Variants in ZPBP observed in about 807,000 individuals in gnomAD.
ZPBP encodes zona pellucida binding protein.
ZPBP carries 26 observed loss-of-function variants against 44.8 expected under a neutral mutation model. The observed-to-expected ratio is 0.58, with a 90% CI of 0.43 to 0.81. ZPBP has a LOEUF of 0.81. Ranked by LOEUF, ZPBP falls within the 30% of genes least tolerant of loss-of-function variation. The pLI is 0.00. For missense variants in ZPBP, 409 were observed against 434.0 expected, an observed-to-expected ratio of 0.94 and a Z score of 0.51; for synonymous variants, 174 against 153.2, an observed-to-expected ratio of 1.14 and a Z score of -1.00.
intron 6 of ZPBP, among the ~76,000 whole-genome samples, chr7:49,995,706 T>C (rs1303818620): frequency 6.6e-6 from 1 of 152,216 alleles, no homozygotes; most frequent in Non-Finnish European, 1.5e-5. Flanking sequence ...AAGAATGAAA[T>C]CCTGTGATTT....
At chr7:50,030,557 G>T (rs986469288) in intron 5 of ZPBP, among the ~76,000 whole-genome samples, 2 of 151,908 alleles carry the variant, frequency 1.3e-5, no homozygotes, top group African/African-American at 4.8e-5. Context: ...CATTTGAGAT[G>T]AAAGGGGAAG....
intron 7 of ZPBP, among the ~76,000 whole-genome samples, chr7:49,978,217 G>T (rs372979998): frequency 8.6e-5 from 13 of 151,534 alleles, no homozygotes; most frequent in African/African-American, 3.1e-4. Flanking sequence ...TAAAAACAAC[G>T]TAATATTAGG....
chr7:50,025,648 T>G (rs1321662071), intron 5 of ZPBP, among the ~76,000 whole-genome samples: 1 of 151,822 alleles, frequency 6.6e-6, no homozygotes, highest in Non-Finnish European at 1.5e-5. Flanking sequence ...CAGACATCTT[T>G]GTAAAATACA....
At chr7:49,886,866 T>A (rs1791926068) in intron 2 of ZPBP, among the ~76,000 whole-genome samples, 2 of 152,248 alleles carry the variant, frequency 1.3e-5, no homozygotes, top group Admixed American at 1.3e-4. Flanking sequence ...AAAATGTGTA[T>A]GTTTCAATTG....
At chr7:49,979,568 TA>T (rs1796682643) in intron 7 of ZPBP, among the ~76,000 whole-genome samples, 1 of 151,630 alleles carries the variant, frequency 6.6e-6, no homozygotes, top group Admixed American at 6.6e-5. Flanking sequence ...CCAAAGTTTT[TA>T]AATACAAAAA....
intron 2 of ZPBP, among the ~76,000 whole-genome samples, chr7:49,885,871 C>T (rs1791881888): frequency 6.6e-6 from 1 of 152,244 alleles, no homozygotes. Flanking sequence ...CCTGGTAGGG[C>T]TACAGGCCCT....
chr7:50,061,112 C>G (rs1801213466), intron 3 of ZPBP, among the ~76,000 whole-genome samples: 1 of 152,092 alleles, frequency 6.6e-6, no homozygotes, highest in Non-Finnish European at 1.5e-5. Flanking sequence ...AATTCAACCT[C>G]CCTTTATGTT....
chr7:49,842,464 T>C, the ZPBP span, among the ~76,000 whole-genome samples: 2 of 152,190 alleles, frequency 1.3e-5, no homozygotes, highest in African/African-American at 2.4e-5. Flanking sequence ...ACCTTAGAGA[T>C]AATACAGGAG....
intron 4 of ZPBP, among the ~76,000 whole-genome samples, chr7:50,041,222 C>T (rs2366025): frequency 0.9 from 136,897 of 152,270 alleles, 61,656 homozygotes; most frequent in African/African-American, 0.94. Flanking sequence ...GGGGCAGCTG[C>T]GGGTGCAGCT....
the ZPBP span, among the ~76,000 whole-genome samples, chr7:49,844,988 T>C: frequency 6.6e-6 from 1 of 152,190 alleles, no homozygotes; most frequent in African/African-American, 2.4e-5. Flanking sequence ...CGGCCGGCAA[T>C]TCACTTTCGT....
chr7:49,927,817 T>C (rs570908022), intron 1 of ZPBP, among the ~76,000 whole-genome samples: 83 of 152,112 alleles, frequency 5.5e-4, no homozygotes, highest in Non-Finnish European at 1.0e-3. Context: ...TAAATATGAG[T>C]TCCCTGGTCA....
chr7:49,956,562 A>G (rs1246831044), intron 7 of ZPBP, among the ~76,000 whole-genome samples: 2 of 152,100 alleles, frequency 1.3e-5, no homozygotes, highest in African/African-American at 4.8e-5. Context: ...CCAAAATGAA[A>G]TAACTACATG....
intron 7 of ZPBP, among the ~76,000 whole-genome samples, chr7:49,978,125 G>A (rs1796615611): frequency 6.7e-6 from 1 of 149,932 alleles, no homozygotes; most frequent in Admixed American, 6.7e-5. Flanking sequence ...ATGGGAGAAA[G>A]TTGAATATAT....
chr7:50,004,668 T>C (rs879354436), intron 6 of ZPBP, among the ~76,000 whole-genome samples: 1 of 152,064 alleles, frequency 6.6e-6, no homozygotes, highest in Non-Finnish European at 1.5e-5. Flanking sequence ...AATTAATTGC[T>C]ATAGAGATTC....
Position 49,911,381 on chromosome 7 carries a change from C to T in ZPBP, n.412-10166G>A, listed in dbSNP as rs1277780716. The stretch of plus-strand genomic sequence containing the variant: ...CCTATAGTCCCAGCTACTCTGGAGG[C>T]TGCGGCAGGAGAATCGCTTGAACCC... On this transcript the variant is annotated intron_variant and non_coding_transcript_variant, in intron 1 of 2. Coordinates refer to the ZPBP transcript ENST00000465922. Among the ~76,000 whole-genome samples, 3 of 148,534 alleles carry T rather than the reference C, an allele frequency of 2.0e-5. No individual in the cohort carries two copies. The East Asian group carries it at 6.0e-4, about 30-fold the overall frequency.
At chr7:49,874,092 G>A (rs978319223) in intron 2 of ZPBP, among the ~76,000 whole-genome samples, 6 of 151,978 alleles carry the variant, frequency 3.9e-5, no homozygotes, top group Non-Finnish European at 8.8e-5. Context: ...GAGTAAGGAC[G>A]GGACTGGAGT....
At chr7:49,858,697 TATA>T (rs950558051) in intron 2 of ZPBP, among the ~76,000 whole-genome samples, 1 of 149,886 alleles carries the variant, frequency 6.7e-6, no homozygotes, top group Non-Finnish European at 1.5e-5. Context: ...AAACTTAAAG[TATA>T]ATAATAATAA....
intron 6 of ZPBP, among the ~76,000 whole-genome samples, chr7:49,999,631 C>A (rs1165625728): frequency 6.6e-6 from 1 of 152,084 alleles, no homozygotes; most frequent in Non-Finnish European, 1.5e-5. Context: ...GTCCTAAGGC[C>A]TAAGAATCAG....
intron 2 of ZPBP, among the ~76,000 whole-genome samples, chr7:49,894,949 A>T (rs1792311924): frequency 6.6e-6 from 1 of 152,194 alleles, no homozygotes. Flanking sequence ...TTTTTAAGGG[A>T]TGGAAGATGG....
Sources: gnomAD v4.1 joint callset for allele counts (sites outside exome capture counted in the v4.1 genomes callset) on GRCh38, gnomAD v4.1.1 for gene constraint, MANE v1.5 for transcripts, NCBI Gene and HGNC (gene_info 2026-07-23, HGNC 2026-07-21) for gene names.